The following POLE2 variants were observed in gnomAD, a reference collection of about 807,000 sequenced individuals.
POLE2 encodes the protein DNA polymerase epsilon 2, accessory subunit.
A neutral mutation model predicts 79.4 loss-of-function variants in POLE2; 56 were observed. The ratio of observed to expected loss-of-function variants is 0.71; its 90% confidence interval spans 0.57 to 0.88. The LOEUF (loss-of-function observed/expected upper bound fraction) is 0.88, where lower values mean the gene tolerates loss of function less well. POLE2 is among the 40% of genes least tolerant of loss of function. POLE2 has a pLI of 0.00. For synonymous variants in POLE2, 212 were observed against 214.0 expected, an observed-to-expected ratio of 0.99 and a Z score of 0.08; for missense variants, 598 against 638.9, an observed-to-expected ratio of 0.94 and a Z score of 0.69.
In POLE2 at chr14:49,654,985, A is replaced by G. The variant is rs759184504; in HGVS notation, c.1018+20T>C. 1 of 1,483,842 alleles carries G rather than the reference A, an allele frequency of 6.7e-7. No homozygotes were observed. The highest frequency in any genetic ancestry group is 2.4e-5 in the East Asian group (1 of 41,160). The allele number at this position is 1,483,842 out of a possible 1,614,324, so 91.9% of individuals were successfully genotyped here. ...TTATATGACTATAGAAACACTTCTT[A>G]TTAAATAGATCGTTAATACCTTTCA... On this transcript the variant is annotated intron_variant, in intron 12 of 18. Transcript: ENST00000216367.
chr14:49,673,671 G>A (rs35928004), intron 5 of POLE2, among the ~76,000 whole-genome samples: 28,361 of 152,098 alleles, frequency 0.19, 2,813 homozygotes, highest in African/African-American at 0.23. Flanking sequence ...ACTTGAAAGT[G>A]GTAAAGTATA....
intron 2 of POLE2, among the ~76,000 whole-genome samples, chr14:49,680,910 C>T (rs917688893): frequency 6.6e-6 from 1 of 152,106 alleles, no homozygotes; most frequent in East Asian, 1.9e-4. Context: ...CGATTACAGG[C>T]GTGAGACAAG....
chr14:49,657,534 G>A (rs1331734289), intron 10 of POLE2, among the ~76,000 whole-genome samples: 7 of 151,492 alleles, frequency 4.6e-5, no homozygotes, highest in East Asian at 2.0e-4. Flanking sequence ...TTCATCTCCC[G>A]GGTTCAAGCA....
chr14:49,655,552 A>G, intron 11 of POLE2, 119 bp downstream of exon 11: 2 of 723,788 alleles, frequency 2.8e-6, no homozygotes. Context: ...AAATTATCTC[A>G]TTGCTAACTC....
At chr14:49,653,866 C>T (rs1173702113) in intron 15 of POLE2, 124 bp downstream of exon 15, 5 of 606,748 alleles carry the variant, frequency 8.2e-6, no homozygotes, top group African/African-American at 3.8e-5. Context: ...AAGCTGGTCT[C>T]GGAACTCCAA....
At chr14:49,648,187 TGAGCA>T (rs1235730185) in intron 17 of POLE2, among the ~76,000 whole-genome samples, 1 of 152,252 alleles carries the variant, frequency 6.6e-6, no homozygotes, top group African/African-American at 2.4e-5. Context: ...CTCACGTGGC[TGAGCA>T]GAGGCCCTGT....
intron 10 of POLE2, among the ~76,000 whole-genome samples, chr14:49,658,112 T>C (rs1884832532): frequency 6.6e-6 from 1 of 151,776 alleles, no homozygotes; most frequent in Non-Finnish European, 1.5e-5. Flanking sequence ...AGTCTCGCTC[T>C]GTCCCCCAGG....
chr14:49,647,725 TG>T (rs775497489), intron 17 of POLE2, among the ~76,000 whole-genome samples: 2 of 152,212 alleles, frequency 1.3e-5, no homozygotes, highest in African/African-American at 2.4e-5. Context: ...CTCAGAGTGC[TG>T]GGATTACAGG....
In POLE2 at chr14:49,650,270, T is replaced by A; in HGVS notation, c.1492A>T (p.Asn498Tyr). The A allele has an allele frequency of 1.3e-6, 2 of 1,577,656 alleles. No homozygotes were observed. Among genetic ancestry groups the A allele is most frequent in the Non-Finnish European group, 1.7e-6 (2 of 1,156,482 alleles). ...AAGATTAACTACATTCTTACAGGGTTTATGCAGAGGCATTCGGTATTTGTC... is the reference window on the plus strand; with the variant it reads ...AAGATTAACTACATTCTTACAGGGTATATGCAGAGGCATTCGGTATTTGTC... Reference protein sequence around the residue: ...TTTNTECLCINPGSFPRSGFS... With the variant: ...TTTNTECLCIYPGSFPRSGFS... Residue 498 changes from asparagine to tyrosine, a missense_variant, in exon 17 of 19, where the codon AAC becomes TAC. By Grantham distance (143) the Asn-to-Tyr change is moderately radical. Transcript: ENST00000216367.
At chr14:49,672,225 T>C (rs1885947086) in intron 5 of POLE2, among the ~76,000 whole-genome samples, 1 of 152,174 alleles carries the variant, frequency 6.6e-6, no homozygotes, top group East Asian at 1.9e-4. Flanking sequence ...AGATCTTACA[T>C]ATTAAGGATA....
chr14:49,671,521 G>A (rs1248644502), intron 5 of POLE2, among the ~76,000 whole-genome samples: 1 of 151,304 alleles, frequency 6.6e-6, no homozygotes, highest in Non-Finnish European at 1.5e-5. Flanking sequence ...GGAGGCTGAG[G>A]CAGGAGAATC....
rs139611967 is a variant in POLE2, at chr14:49,666,320, A to G, written c.576+10T>C. On this transcript the variant is annotated intron_variant, in intron 7 of 18. Transcript: ENST00000216367. Reference sequence around the variant, plus strand: ...GGCCAAAAATAAAAGTTTGATGCTTATTAAGTTACCTCTTTTAACTGCGTT... The same window carrying G: ...GGCCAAAAATAAAAGTTTGATGCTTGTTAAGTTACCTCTTTTAACTGCGTT... 188 of 1,458,276 alleles carry G rather than the reference A, an allele frequency of 1.3e-4. No homozygotes were observed. The African/African-American group carries it at 2.4e-3, about 18-fold the overall frequency. 90.3% of individuals were successfully genotyped at this position (1,458,276 alleles called of 1,614,324 possible).
intron 6 of POLE2, among the ~76,000 whole-genome samples, chr14:49,667,194 A>C (rs1353366363): frequency 1.3e-5 from 2 of 151,978 alleles, no homozygotes; most frequent in African/African-American, 2.4e-5. Flanking sequence ...CAAAAAAAAA[A>C]CAAAAAAAAC....
At chr14:49,660,446 C>G (rs917045258) in intron 10 of POLE2, among the ~76,000 whole-genome samples, 3 of 151,480 alleles carry the variant, frequency 2.0e-5, no homozygotes, top group African/African-American at 7.3e-5. Flanking sequence ...TTTTGTGTGC[C>G]TTCATATATT....
intron 15 of POLE2, among the ~76,000 whole-genome samples, chr14:49,652,263 CAAAAAAAAAAAAAAAAAAAAAAAAAAAAA>C (rs969678798): frequency 8.5e-3 from 52 of 6,094 alleles, no homozygotes; most frequent in East Asian, 0.061. Context: ...GACTCCGTCT[CAAAAAAAAAAAAAAAAAAAAAAAAAAAAA>C]AAAAAAAAAA....
At position 49,655,724 on chromosome 14, in the gene POLE2, T is replaced by C. The variant is rs1474330367; in HGVS notation, c.875A>G (p.Asp292Gly). Residue 292 changes from aspartate (D) to glycine (G), a missense_variant, in exon 11 of 19, where the codon GAT becomes GGT. By Grantham distance (94) the Asp-to-Gly change is moderately conservative. Coordinates refer to ENST00000216367, the MANE Select transcript of POLE2 (RefSeq NM_002692.4). ...NKDAMFVFLS[D>G]VWLDQVEVLE... Reference sequence around the variant, plus strand: ...TACTTCCACCTGGTCCAACCAAACATCAGATAAAAACACAAACATAGCATC... The same window carrying C: ...TACTTCCACCTGGTCCAACCAAACACCAGATAAAAACACAAACATAGCATC... 1 of 1,611,948 alleles carries C rather than the reference T, an allele frequency of 6.2e-7. No individual in the cohort carries two copies. The highest frequency in any genetic ancestry group is 1.7e-5 in the Admixed American group (1 of 59,572).
Position 49,663,397 on chromosome 14 carries a change from A to G in POLE2, c.683-10T>C. 6.3e-7 allele frequency: 1 copy of G among 1,595,680 alleles called. No individual in the cohort carries two copies. Among genetic ancestry groups the G allele is most frequent in the Non-Finnish European group, 8.6e-7 (1 of 1,167,200 alleles). On this transcript the variant is annotated splice_polypyrimidine_tract_variant and intron_variant, in intron 9 of 18. Coordinates refer to ENST00000216367, the MANE Select transcript of POLE2 (RefSeq NM_002692.4). ...TGATCTTCAAACCAACCTGAAAAAA[A>G]GTAACGTCACTTTCATTTGTCTAAT...
chr14:49,674,577 C>A (rs1398528456), intron 3 of POLE2, 150 bp from the exon 4 acceptor site: 10 of 616,880 alleles, frequency 1.6e-5, no homozygotes, highest in Non-Finnish European at 2.9e-5. Flanking sequence ...TTTTCTTTTT[C>A]TTTTTTAAGA....
At chr14:49,650,193 T>C in intron 17 of POLE2, 72 bp downstream of exon 17, 1 of 726,176 alleles carries the variant, frequency 1.4e-6, no homozygotes, top group Non-Finnish European at 2.0e-6. Context: ...TTATTAAATA[T>C]ATATTTTTAA....
Sources: allele counts gnomAD v4.1 joint callset (sites outside exome capture counted in the v4.1 genomes callset), GRCh38; gene constraint gnomAD v4.1.1; transcripts MANE v1.5; gene names NCBI Gene and HGNC (gene_info 2026-07-23, HGNC 2026-07-21).